Variants in HPSE2 observed in about 807,000 individuals in gnomAD.
The protein encoded by HPSE2 is inactive heparanase-2.
HPSE2 carries 38 observed loss-of-function variants against 60.5 expected under a neutral mutation model. The ratio of observed to expected loss-of-function variants is 0.63; its 90% CI spans 0.48 to 0.82. HPSE2 has a LOEUF of 0.82. Ranked by LOEUF, HPSE2 falls within the 40% of genes least tolerant of loss-of-function variation. HPSE2 has a pLI of 0.00. For missense variants in HPSE2, 713 were observed against 740.4 expected (o/e 0.96, Z 0.43); for synonymous variants, 295 against 293.2 (o/e 1.01, Z -0.06).
chr10:98,847,669 T>G (rs759168408), intron 3 of HPSE2, among the ~76,000 whole-genome samples: 23 of 152,234 alleles, frequency 1.5e-4, no homozygotes, highest in Non-Finnish European at 1.3e-4. Context: ...CATGCAGCAG[T>G]TATTTGCCAC....
At chr10:98,479,597 T>C (rs575875824) in intron 11 of HPSE2, among the ~76,000 whole-genome samples, 11 of 152,290 alleles carry the variant, frequency 7.2e-5, no homozygotes, top group African/African-American at 2.6e-4. Context: ...CAGTCCACCA[T>C]GGCACAGCCC....
upstream of HPSE2, among the ~76,000 whole-genome samples, chr10:99,236,124 C>G (rs1332932906): frequency 6.6e-6 from 1 of 151,608 alleles, no homozygotes; most frequent in East Asian, 1.9e-4. Flanking sequence ...GGCACCGCCC[C>G]TTTAAGAGAT....
At chr10:98,469,699 T>A (rs1940696962) in intron 11 of HPSE2, among the ~76,000 whole-genome samples, 1 of 152,188 alleles carries the variant, frequency 6.6e-6, no homozygotes, top group Non-Finnish European at 1.5e-5. Flanking sequence ...CCACAAAGCA[T>A]CCTGTATTCC....
intron 9 of HPSE2, among the ~76,000 whole-genome samples, chr10:98,496,266 A>G (rs1364964019): frequency 6.6e-6 from 1 of 152,172 alleles, no homozygotes; most frequent in Non-Finnish European, 1.5e-5. Context: ...GAAAAAGAGG[A>G]AAAAAGGAGG....
chr10:99,275,295 T>C, the HPSE2 span, among the ~76,000 whole-genome samples: 9 of 152,184 alleles, frequency 5.9e-5, no homozygotes, highest in South Asian at 2.1e-4. Context: ...AGTTAACCCT[T>C]TTTATTATTC....
At chr10:98,644,350 C>CATGGG (rs2134042952) in intron 6 of HPSE2, among the ~76,000 whole-genome samples, 1 of 152,226 alleles carries the variant, frequency 6.6e-6, no homozygotes, top group Admixed American at 6.5e-5. Flanking sequence ...ACTGAAAGGC[C>CATGGG]ATGGGATGGG....
chr10:98,498,211 C>G (rs972880462), intron 9 of HPSE2, among the ~76,000 whole-genome samples: 3 of 152,214 alleles, frequency 2.0e-5, no homozygotes, highest in African/African-American at 7.2e-5. Flanking sequence ...CCTGAGAGGA[C>G]CCACAGACCC....
intron 3 of HPSE2, among the ~76,000 whole-genome samples, chr10:98,947,198 C>T (rs1955211814): frequency 6.6e-6 from 1 of 152,160 alleles, no homozygotes; most frequent in East Asian, 1.9e-4. Flanking sequence ...ATAAAGCCAT[C>T]ACTGCAGCTA....
intron 3 of HPSE2, among the ~76,000 whole-genome samples, chr10:98,754,620 C>T (rs1230602349): frequency 1.3e-5 from 2 of 151,196 alleles, no homozygotes; most frequent in African/African-American, 4.9e-5. Flanking sequence ...AGGGGCAGGT[C>T]ACCTACAGAG....
intron 3 of HPSE2, among the ~76,000 whole-genome samples, chr10:99,142,074 T>C (rs888663297): frequency 1.3e-5 from 2 of 152,174 alleles, no homozygotes; most frequent in Non-Finnish European, 2.9e-5. Context: ...ATAAATACTT[T>C]CATTGCAGAT....
chr10:98,876,034 T>C (rs546406512), intron 3 of HPSE2, among the ~76,000 whole-genome samples: 1 of 151,914 alleles, frequency 6.6e-6, no homozygotes, highest in Non-Finnish European at 1.5e-5. Flanking sequence ...CTGTCATTTG[T>C]ATATGGGTCT....
chr10:98,823,442 G>T (rs1951469131), intron 3 of HPSE2, among the ~76,000 whole-genome samples: 1 of 152,082 alleles, frequency 6.6e-6, no homozygotes, highest in Non-Finnish European at 1.5e-5. Context: ...AATATAGCGA[G>T]ATCCAATCTC....
intron 3 of HPSE2, among the ~76,000 whole-genome samples, chr10:98,974,308 A>G (rs1466558004): frequency 6.7e-6 from 1 of 149,580 alleles, no homozygotes; most frequent in Non-Finnish European, 1.5e-5. Flanking sequence ...AAGAAAAGAA[A>G]GAAAGATTTG....
At chr10:98,824,516 A>G (rs912103075) in intron 3 of HPSE2, among the ~76,000 whole-genome samples, 1 of 152,196 alleles carries the variant, frequency 6.6e-6, no homozygotes, top group African/African-American at 2.4e-5. Context: ...ATACGAAGCT[A>G]TCTAGGTTAA....
chr10:99,061,209 C>T (rs1958235213), intron 3 of HPSE2, among the ~76,000 whole-genome samples: 1 of 151,996 alleles, frequency 6.6e-6, no homozygotes, highest in Non-Finnish European at 1.5e-5. Context: ...AAAAGAAATC[C>T]AGATGTTGAG....
chr10:99,004,613 G>T (rs1435179093), intron 3 of HPSE2, among the ~76,000 whole-genome samples: 2 of 151,708 alleles, frequency 1.3e-5, no homozygotes, highest in Admixed American at 1.3e-4. Context: ...AGAAATTTTT[G>T]TAGCTATTAA....
At chr10:98,499,413 A>G (rs981297587) in intron 9 of HPSE2, among the ~76,000 whole-genome samples, 3 of 152,174 alleles carry the variant, frequency 2.0e-5, no homozygotes, top group Non-Finnish European at 2.9e-5. Context: ...AGCATCATAT[A>G]TGATGGAAAA....
chr10:98,990,642 C>T (rs190311270), intron 3 of HPSE2, among the ~76,000 whole-genome samples: 2 of 152,280 alleles, frequency 1.3e-5, no homozygotes, highest in African/African-American at 4.8e-5. Flanking sequence ...ATGATAGTAG[C>T]TTGAACAACA....
At chr10:99,300,211 C>T in the HPSE2 span, among the ~76,000 whole-genome samples, 3 of 151,966 alleles carry the variant, frequency 2.0e-5, no homozygotes, top group African/African-American at 2.4e-5. Flanking sequence ...TAATCAAGAA[C>T]GCCACTGAAA....
Sources: gnomAD v4.1 joint callset for allele counts (sites outside exome capture counted in the v4.1 genomes callset) on GRCh38, gnomAD v4.1.1 for gene constraint, MANE v1.5 for transcripts, NCBI Gene and HGNC (gene_info 2026-07-23, HGNC 2026-07-21) for gene names.